Variants in PML observed in about 807,000 individuals in gnomAD.
PML encodes the protein PML nuclear body scaffold.
In PML, 28 loss-of-function variants were observed where a neutral mutation model predicts 65.2. The ratio of observed to expected loss-of-function variants is 0.43; its 90% confidence interval spans 0.32 to 0.59. The LOEUF is 0.59. Ranked by LOEUF, PML falls within the 20% of genes least tolerant of loss-of-function variation. The pLI, the probability that PML is intolerant of heterozygous loss-of-function variation, is 0.08. For synonymous variants in PML, 500 were observed against 508.8 expected, an observed-to-expected ratio of 0.98 and a Z score of 0.23; for missense variants, 1,021 against 1,203.4, an observed-to-expected ratio of 0.85 and a Z score of 2.24.
chr15:74,030,330 G>T (rs1192140752), intron 4 of PML, among the ~76,000 whole-genome samples: 1 of 152,118 alleles, frequency 6.6e-6, no homozygotes, highest in Non-Finnish European at 1.5e-5. Context: ...GAGCACGCCG[G>T]GGCAGGAAGA....
chr15:74,045,770 C>T lies in PML; in HGVS notation c.*762C>T. ...CTGCACTGCCCTCACCCTCAGCCGT[C>T]CCAAGGAGTGCCCAGCACTACTCAG... On this transcript the variant is annotated 3_prime_UTR_variant, in exon 9 of 9. Transcript: ENST00000268058. 4.3e-6 allele frequency: 1 copy of T among 233,256 alleles called. No homozygotes were observed. Among genetic ancestry groups the T allele is most frequent in the East Asian group, 6.1e-5 (1 of 16,508 alleles). The allele number at this position is 233,256 out of a possible 1,614,324, so 14.4% of individuals were successfully genotyped here. A position where few individuals can be genotyped will look rare whatever the true frequency, so the allele number is the denominator to read the frequency against.
At chr15:74,017,893 T>G (rs887631555) in intron 2 of PML, among the ~76,000 whole-genome samples, 2 of 151,990 alleles carry the variant, frequency 1.3e-5, no homozygotes, top group African/African-American at 4.8e-5. Context: ...CGCAGCACTT[T>G]TGGGGCCAAG....
chr15:74,008,465 G>A (rs1450957826), intron 2 of PML, among the ~76,000 whole-genome samples: 4 of 152,210 alleles, frequency 2.6e-5, no homozygotes, highest in African/African-American at 7.2e-5. Flanking sequence ...GGGGCCGGGC[G>A]TGGTGGCTCA....
chr15:73,995,018 T>A, intron 1 of PML, 77 bp downstream of exon 1: 3 of 1,340,020 alleles, frequency 2.2e-6, no homozygotes, highest in Non-Finnish European at 3.0e-6. Context: ...AGAGAGGGTC[T>A]AACGGAGGAT....
chr15:73,999,359 C>T (rs1011719069), intron 2 of PML, among the ~76,000 whole-genome samples: 7 of 152,308 alleles, frequency 4.6e-5, no homozygotes, highest in Non-Finnish European at 8.8e-5. Flanking sequence ...AAGCATTTTT[C>T]GCTGGTTTTT....
At position 74,025,198 on chromosome 15, in the gene PML, C is replaced by G. The variant is rs111886581; in HGVS notation, c.1254+271C>G. Reference sequence around the variant, plus strand: ...GGGGGTTAGATGTGGGGTAGACAGTCGGCCACAGATCAGGGCTGCTGCAGA... The same window carrying G: ...GGGGGTTAGATGTGGGGTAGACAGTGGGCCACAGATCAGGGCTGCTGCAGA... On this transcript the variant is annotated intron_variant, in intron 4 of 8. Coordinates refer to ENST00000268058, the MANE Select transcript of PML (RefSeq NM_033238.3). The G allele has an allele frequency of 2.2e-3, 1,103 of 500,526 alleles. 9 individuals are homozygous for G. The highest frequency in any genetic ancestry group is 0.015 in the African/African-American group (753 of 51,644). The allele number at this position is 500,526 out of a possible 1,614,324, so 31.0% of individuals were successfully genotyped here. A position where few individuals can be genotyped will look rare whatever the true frequency, so the allele number is the denominator to read the frequency against.
In PML at chr15:74,046,421, A is replaced by G; in HGVS notation, c.*1413A>G. 2 of 232,906 alleles carry G rather than the reference A, an allele frequency of 8.6e-6. No homozygotes were observed. The highest frequency in any genetic ancestry group is 1.7e-5 in the Non-Finnish European group (2 of 117,826). 14.4% of individuals were successfully genotyped at this position (232,906 alleles called of 1,614,324 possible). On this transcript the variant is annotated 3_prime_UTR_variant, in exon 9 of 9. Transcript: ENST00000268058. ...CCCAGGCCTCTAGCCTCCATGGCTG[A>G]TGACCTCAGCTTTCACACTGGTGAA...
chr15:73,998,222 G>A lies in PML; in HGVS notation c.348G>A (p.Leu116=). The A allele has an allele frequency of 1.2e-6, 2 of 1,614,226 alleles. No homozygotes were observed. Among genetic ancestry groups the A allele is most frequent in the African/African-American group, 1.3e-5 (1 of 75,064 alleles). ...NVFFESLQRR[L]SVYRQIVDAQ... ...TTTTCGAGAGTCTGCAGCGGCGCCT[G>A]TCGGTGTACCGGCAGATTGTGGATG... The change falls in exon 2 of 9, where the codon CTG becomes CTA. Residue 116 remains leucine (L), a synonymous_variant. Transcript: ENST00000268058.
At chr15:74,024,237 C>T (rs192861194) in intron 3 of PML, among the ~76,000 whole-genome samples, 3 of 152,218 alleles carry the variant, frequency 2.0e-5, no homozygotes, top group East Asian at 3.9e-4. Flanking sequence ...CTGAAGGCAC[C>T]TGGGTAGGGT....
chr15:74,015,920 T>A (rs1259136993), intron 2 of PML, among the ~76,000 whole-genome samples: 1 of 152,186 alleles, frequency 6.6e-6, no homozygotes, highest in Non-Finnish European at 1.5e-5. Context: ...CATAGCAGTT[T>A]AGACATGGAC....
chr15:73,998,733 A>G (rs1411555410), intron 2 of PML, among the ~76,000 whole-genome samples: 2 of 152,230 alleles, frequency 1.3e-5, no homozygotes, highest in East Asian at 3.8e-4. Flanking sequence ...ATCTTTATCC[A>G]GTAACTTCTT....
chr15:74,009,520 G>T (rs2070222410), intron 2 of PML, among the ~76,000 whole-genome samples: 1 of 152,228 alleles, frequency 6.6e-6, no homozygotes. Context: ...AACTTATCTT[G>T]AAGGTAGATT....
At chr15:74,033,642 A>G (rs1355889217) in intron 6 of PML, 1 of 691,402 alleles carries the variant, frequency 1.4e-6, no homozygotes, top group South Asian at 1.5e-5. Context: ...GCTAAAATGC[A>G]CAGTTCTATG....
At chr15:73,998,613 A>G (rs1450403077) in intron 2 of PML, 137 bp downstream of exon 2, 2 of 741,498 alleles carry the variant, frequency 2.7e-6, no homozygotes, top group Non-Finnish European at 4.5e-6. Context: ...GTCTGCAGAT[A>G]TGCAGTGTCC....
chr15:73,995,755 G>T (rs2069458100), intron 1 of PML, among the ~76,000 whole-genome samples: 1 of 150,404 alleles, frequency 6.6e-6, no homozygotes, highest in South Asian at 2.1e-4. Flanking sequence ...TTGTTTGTTT[G>T]TTTATCTGTT....
At chr15:74,027,606 C>T (rs1205357388) in intron 4 of PML, 4 of 152,182 alleles carry the variant, frequency 2.6e-5, no homozygotes, top group Non-Finnish European at 4.4e-5. Context: ...TGCCCTTGGT[C>T]CACAGACTCA....
intron 3 of PML, 116 bp downstream of exon 3, chr15:74,023,524 C>A: frequency 2.3e-6 from 2 of 870,410 alleles, no homozygotes; most frequent in Non-Finnish European, 3.7e-6. Context: ...TTTATTCAGT[C>A]TTTGGGGGTT....
At chr15:74,013,791 A>G (rs1174095817) in intron 2 of PML, among the ~76,000 whole-genome samples, 2 of 152,264 alleles carry the variant, frequency 1.3e-5, no homozygotes, top group African/African-American at 4.8e-5. Context: ...AAAATAGATC[A>G]GATTTAAATA....
chr15:74,027,030 C>T (rs904893644), intron 4 of PML: 5 of 152,166 alleles, frequency 3.3e-5, no homozygotes, highest in Admixed American at 6.5e-5. Flanking sequence ...TTGCCTTTTG[C>T]ATTCTGTGTT....
Sources: gnomAD v4.1 joint callset for allele counts (sites outside exome capture counted in the v4.1 genomes callset) on GRCh38, gnomAD v4.1.1 for gene constraint, MANE v1.5 for transcripts, NCBI Gene and HGNC (gene_info 2026-07-23, HGNC 2026-07-21) for gene names.